Variants in NAALADL2 observed in about 807,000 individuals in gnomAD.
The protein encoded by NAALADL2 is inactive N-acetylated-alpha-linked acidic dipeptidase-like protein 2.
A neutral mutation model predicts 87.2 loss-of-function variants in NAALADL2; 76 were observed. The observed-to-expected ratio is 0.87, with a 90% CI of 0.72 to 1.05. The LOEUF (loss-of-function observed/expected upper bound fraction) is 1.05, where lower values mean the gene tolerates loss of function less well. Ranked by LOEUF, NAALADL2 falls within the 50% of genes least tolerant of loss-of-function variation. NAALADL2 has a pLI of 0.00. For synonymous variants in NAALADL2, 354 were observed against 331.0 expected, an observed-to-expected ratio of 1.07 and a Z score of -0.75; for missense variants, 1,089 against 945.8, an observed-to-expected ratio of 1.15 and a Z score of -1.99.
rs543983869 is a variant in NAALADL2, at chr3:175,293,874, A to G, written c.940-30301A>G. 5.2e-3 allele frequency among the ~76,000 whole-genome samples: 797 copies of G among 152,336 alleles called. 8 individuals carry two copies. Among genetic ancestry groups the G allele is most frequent in the Middle Eastern group, 0.014 (4 of 294 alleles). ...TATACCATAAGAAACTAAATAATTAATATGCAGACTGAGGTTTGATAGATC... is the reference window on the plus strand; with the variant it reads ...TATACCATAAGAAACTAAATAATTAGTATGCAGACTGAGGTTTGATAGATC... On this transcript the variant is annotated intron_variant, in intron 4 of 13. Coordinates refer to ENST00000454872, the MANE Select transcript of NAALADL2 (RefSeq NM_207015.3).
Position 174,974,926 on chromosome 3 carries a change from A to G in NAALADL2, c.43+115476A>G, listed in dbSNP as rs114378038. Reference sequence around the variant, plus strand: ...TGATAGTTTTTTGCTTTTTTTAAAGACAATTCAATTTTCAAAAAAGACTAT... The same window carrying G: ...TGATAGTTTTTTGCTTTTTTTAAAGGCAATTCAATTTTCAAAAAAGACTAT... On this transcript the variant is annotated intron_variant, in intron 1 of 13. Coordinates refer to ENST00000454872, the MANE Select transcript of NAALADL2 (RefSeq NM_207015.3). 2.1e-3 allele frequency among the ~76,000 whole-genome samples: 327 copies of G among 152,288 alleles called. 2 individuals carry two copies. The highest frequency in any genetic ancestry group is 7.1e-3 in the African/African-American group (296 of 41,562).
intron 2 of NAALADL2, among the ~76,000 whole-genome samples, chr3:174,694,735 C>T (rs928953483): frequency 6.6e-6 from 1 of 151,948 alleles, no homozygotes; most frequent in African/African-American, 2.4e-5. Flanking sequence ...TCCCACCTAT[C>T]CATTTTTGTT....
In NAALADL2 at chr3:175,284,800, G is replaced by A. The variant is rs964544043; in HGVS notation, c.939+28270G>A. ...GTTGTCCTTGTATTTGAGAACAAAG[G>A]TATCCTCCTACATGTGGTCTCTGGT... On this transcript the variant is annotated intron_variant, in intron 4 of 13. Transcript: ENST00000454872. 7.0e-4 allele frequency among the ~76,000 whole-genome samples: 106 copies of A among 152,188 alleles called. 1 individual carries two copies. Among genetic ancestry groups the A allele is most frequent in the African/African-American group, 2.5e-3 (103 of 41,544 alleles).
At chr3:175,132,767 C>A (rs1387169224) in intron 2 of NAALADL2, among the ~76,000 whole-genome samples, 2 of 148,638 alleles carry the variant, frequency 1.3e-5, no homozygotes, top group Non-Finnish European at 1.5e-5. Context: ...CCGGACAGGG[C>A]GGCTCTCCTG....
chr3:175,606,917 T>C (rs1265943065), intron 10 of NAALADL2, among the ~76,000 whole-genome samples: 2 of 152,184 alleles, frequency 1.3e-5, no homozygotes, highest in African/African-American at 4.8e-5. Context: ...TACATATCCT[T>C]AACATAAAAT....
chr3:175,066,201 A>T (rs1714510698), intron 1 of NAALADL2, among the ~76,000 whole-genome samples: 1 of 152,132 alleles, frequency 6.6e-6, no homozygotes, highest in African/African-American at 2.4e-5. Context: ...TTTCAGGGAA[A>T]GACACGAGTT....
At chr3:174,831,965 C>A (rs1722756605) in intron 3 of NAALADL2, among the ~76,000 whole-genome samples, 1 of 151,732 alleles carries the variant, frequency 6.6e-6, no homozygotes, top group Non-Finnish European at 1.5e-5. Flanking sequence ...TCCCCTTTAT[C>A]ATTTTTTATT....
chr3:174,568,867 G>GA (rs1178149831), intron 2 of NAALADL2, among the ~76,000 whole-genome samples: 1 of 150,218 alleles, frequency 6.7e-6, no homozygotes, highest in South Asian at 2.1e-4. Context: ...GAATATTTTA[G>GA]AATTTTAGAA....
At chr3:175,483,264 C>T (rs757932826) in intron 9 of NAALADL2, among the ~76,000 whole-genome samples, 3 of 150,102 alleles carry the variant, frequency 2.0e-5, no homozygotes, top group Non-Finnish European at 4.4e-5. Context: ...AGAAAGCATG[C>T]ACATAGTAAG....
At chr3:175,698,344 T>G (rs1335901150) in intron 11 of NAALADL2, among the ~76,000 whole-genome samples, 4 of 120,026 alleles carry the variant, frequency 3.3e-5, no homozygotes, top group Admixed American at 3.3e-4. Flanking sequence ...TATATATGTA[T>G]GTGTATTTAT....
chr3:175,106,302 C>A (rs1192549118), intron 2 of NAALADL2, among the ~76,000 whole-genome samples: 1 of 152,048 alleles, frequency 6.6e-6, no homozygotes, highest in Admixed American at 6.6e-5. Context: ...TTAGCGGGAT[C>A]TATTTTACAT....
intron 2 of NAALADL2, among the ~76,000 whole-genome samples, chr3:175,205,363 C>A (rs1236418010): frequency 2.6e-5 from 4 of 152,096 alleles, no homozygotes; most frequent in Admixed American, 2.6e-4. Flanking sequence ...CTGTTTTCAA[C>A]AAATGGTGCT....
intron 2 of NAALADL2, among the ~76,000 whole-genome samples, chr3:174,657,231 G>GCCATGTTT (rs1725045481): frequency 6.6e-6 from 1 of 151,882 alleles, no homozygotes; most frequent in African/African-American, 2.4e-5. Flanking sequence ...TTGCCATGTT[G>GCCATGTTT]CCATGTTGCT....
At chr3:175,066,408 G>A (rs80270027) in intron 1 of NAALADL2, among the ~76,000 whole-genome samples, 111 of 152,000 alleles carry the variant, frequency 7.3e-4, no homozygotes, top group Middle Eastern at 3.4e-3. Flanking sequence ...ACACCAAACC[G>A]GAAGTTCCAT....
At chr3:175,655,526 C>CCTG in intron 11 of NAALADL2, 1 of 297,956 alleles carries the variant, frequency 3.4e-6, no homozygotes, top group Non-Finnish European at 6.7e-6. Flanking sequence ...GTGGTATGTA[C>CCTG]TCTATGATTG....
At chr3:175,306,713 G>A (rs770806477) in intron 4 of NAALADL2, among the ~76,000 whole-genome samples, 1 of 152,180 alleles carries the variant, frequency 6.6e-6, no homozygotes, top group Non-Finnish European at 1.5e-5. Flanking sequence ...AGGCGTGGTG[G>A]TGCATGCCTG....
intron 4 of NAALADL2, among the ~76,000 whole-genome samples, chr3:175,264,259 C>A (rs1253141978): frequency 3.3e-5 from 5 of 151,720 alleles, no homozygotes; most frequent in Non-Finnish European, 7.4e-5. Context: ...TTTTCAAAAT[C>A]TCTACATTGA....
At chr3:175,402,115 T>C (rs1490075414) in intron 5 of NAALADL2, among the ~76,000 whole-genome samples, 1 of 152,098 alleles carries the variant, frequency 6.6e-6, no homozygotes, top group Non-Finnish European at 1.5e-5. Flanking sequence ...TAAATTTAAA[T>C]TTTTCAGGTA....
At chr3:175,276,731 G>A (rs554425763) in intron 4 of NAALADL2, among the ~76,000 whole-genome samples, 2 of 152,200 alleles carry the variant, frequency 1.3e-5, no homozygotes, top group East Asian at 1.9e-4. Context: ...TATAATTGTA[G>A]TACATAGAAA....
Sources: allele counts gnomAD v4.1 joint callset (sites outside exome capture counted in the v4.1 genomes callset), GRCh38; gene constraint gnomAD v4.1.1; transcripts MANE v1.5; gene names NCBI Gene and HGNC (gene_info 2026-07-23, HGNC 2026-07-21).